The following LLGL2 variants were observed in gnomAD, a reference collection of about 807,000 sequenced individuals.
LLGL2 encodes the protein LLGL2, scribble cell polarity complex component.
In LLGL2, 81 loss-of-function variants were observed where a neutral mutation model predicts 123.2. That is an observed-to-expected ratio of 0.66 (90% confidence interval 0.55 to 0.79). LLGL2 has a LOEUF of 0.79. LLGL2 is among the 30% of genes least tolerant of loss of function. The pLI, the probability that LLGL2 is intolerant of heterozygous loss-of-function variation, is 0.00. For synonymous variants in LLGL2, 577 were observed against 594.1 expected (o/e 0.97, Z 0.42); for missense variants, 1,273 against 1,414.6 (o/e 0.90, Z 1.61).
At position 75,574,976 on chromosome 17, in the gene LLGL2, G is replaced by A. The variant is rs945571668; in HGVS notation, c.*98G>A. 2.3e-5 allele frequency: 35 copies of A among 1,553,884 alleles called. No homozygotes were observed. Among genetic ancestry groups the A allele is most frequent in the African/African-American group, 4.1e-5 (3 of 73,724 alleles). On this transcript the variant is annotated 3_prime_UTR_variant, in exon 26 of 26. Transcript: ENST00000392550. ...CGGAGAGGCCGGTGCACAGGGCCCC[G>A]CCAGGGGCTGGGGGCATCCCGGCTT...
At chr17:75,568,230 C>T in intron 10 of LLGL2, 1 of 1,408,772 alleles carries the variant, frequency 7.1e-7, no homozygotes, top group South Asian at 1.6e-5. Flanking sequence ...TGGGACCCTG[C>T]CTTCCAGCCA....
In LLGL2 at chr17:75,571,031, C is replaced by T. The variant is rs753658973; in HGVS notation, c.2107C>T (p.Arg703Cys). The T allele has an allele frequency of 4.2e-5, 68 of 1,612,942 alleles. No individual in the cohort carries two copies. Among genetic ancestry groups the T allele is most frequent in the Non-Finnish European group, 5.3e-5 (63 of 1,179,968 alleles). The change falls in exon 17 of 26, where the codon CGC (arginine) becomes TGC (cysteine). Residue 703 changes from arginine to cysteine, a missense_variant. Physicochemically the swap from Arg to Cys is radical, Grantham distance 180. Transcript: ENST00000392550. ...GCCTGTGCAGCGCAAGATCGAGGCT[C>T]GCTCGGCAGAGGACTCCTTCACAGG... is the stretch of plus-strand genomic sequence containing the variant. ...LAPVQRKIEA[R>C]SAEDSFTGFV...
intron 1 of LLGL2, among the ~76,000 whole-genome samples, chr17:75,526,282 C>A (rs549675309): frequency 1.2e-4 from 19 of 152,276 alleles, no homozygotes; most frequent in Middle Eastern, 3.4e-3. Flanking sequence ...GCCATCTGGG[C>A]TGTGTCCCTG....
chr17:75,557,255 G>C (rs1162824280), intron 3 of LLGL2, among the ~76,000 whole-genome samples: 1 of 152,074 alleles, frequency 6.6e-6, no homozygotes, highest in African/African-American at 2.4e-5. Flanking sequence ...CACAAGCAGA[G>C]ATGGGGTGGC....
intron 1 of LLGL2, among the ~76,000 whole-genome samples, chr17:75,534,218 G>T (rs906948072): frequency 6.6e-6 from 1 of 152,266 alleles, no homozygotes; most frequent in African/African-American, 2.4e-5. Flanking sequence ...ATGGGGGTGC[G>T]TTCCCACCTT....
chr17:75,543,994 C>T (rs907904933), intron 2 of LLGL2, among the ~76,000 whole-genome samples: 2 of 152,134 alleles, frequency 1.3e-5, no homozygotes, highest in Non-Finnish European at 2.9e-5. Flanking sequence ...ACACGTGATT[C>T]CTTCTGGCTC....
At chr17:75,532,727 C>G (rs2053847900) in intron 1 of LLGL2, among the ~76,000 whole-genome samples, 1 of 152,026 alleles carries the variant, frequency 6.6e-6, no homozygotes, top group South Asian at 2.1e-4. Flanking sequence ...GCCCAGCCCT[C>G]TAGTAAATAA....
chr17:75,563,281 C>T (rs779263343), intron 7 of LLGL2, 50 bp from the exon 8 acceptor site: 6 of 1,603,826 alleles, frequency 3.7e-6, no homozygotes, highest in Non-Finnish European at 5.1e-6. Flanking sequence ...GATGGGAACG[C>T]CGCCTCGGTC....
chr17:75,566,835 C>G (rs2055463766), intron 10 of LLGL2, among the ~76,000 whole-genome samples: 1 of 152,142 alleles, frequency 6.6e-6, no homozygotes, highest in Admixed American at 6.5e-5. Context: ...CTCTGATCTC[C>G]AGACCCATAA....
intron 19 of LLGL2, among the ~76,000 whole-genome samples, chr17:75,572,434 C>T (rs868592853): frequency 4.7e-4 from 71 of 152,098 alleles, no homozygotes; most frequent in African/African-American, 1.5e-3. Flanking sequence ...GAGGCCGAGG[C>T]GGGCAGATCA....
rs146377375 is a variant in LLGL2 at position 75,540,065 on chromosome 17, G to A, written c.-30-3332G>A. 1.0e-2 allele frequency among the ~76,000 whole-genome samples: 1,518 copies of A among 152,284 alleles called. 20 individuals carry two copies. Among genetic ancestry groups the A allele is most frequent in the African/African-American group, 0.031 (1,277 of 41,566 alleles). The stretch of plus-strand genomic sequence containing the variant: ...GGGAGTGCCATCCCCCTTTACAGAG[G>A]AGCTGTCTCTGGAGGCCATGTGGCT... On this transcript the variant is annotated intron_variant, in intron 1 of 25. Coordinates refer to ENST00000392550, the MANE Select transcript of LLGL2 (RefSeq NM_001031803.2).
intron 1 of LLGL2, among the ~76,000 whole-genome samples, chr17:75,527,669 G>A (rs1037954343): frequency 5.3e-5 from 8 of 150,876 alleles, no homozygotes; most frequent in Admixed American, 2.0e-4. Context: ...CTCACCATAT[G>A]TTGCCCAGGC....
rs146325197 is a variant in LLGL2 at position 75,567,060 on chromosome 17, G to A, written c.1037-1416G>A. 6.8e-3 allele frequency among the ~76,000 whole-genome samples: 1,035 copies of A among 152,278 alleles called. 16 individuals carry two copies. The highest frequency in any genetic ancestry group is 0.023 in the African/African-American group (959 of 41,554). The stretch of plus-strand genomic sequence containing the variant: ...GAGAAGCCATGGGACAGCTGAGCCC[G>A]GGCACCCTCAAGCCTTGGAGGCATG... On this transcript the variant is annotated intron_variant, in intron 10 of 25. Coordinates refer to ENST00000392550, the MANE Select transcript of LLGL2 (RefSeq NM_001031803.2).
chr17:75,526,247 C>G (rs2053565098), intron 1 of LLGL2, among the ~76,000 whole-genome samples: 1 of 152,120 alleles, frequency 6.6e-6, no homozygotes, highest in Non-Finnish European at 1.5e-5. Context: ...GAGCGCGGTG[C>G]CCCGGCGGCT....
intron 2 of LLGL2, among the ~76,000 whole-genome samples, chr17:75,555,460 C>A (rs1009158851): frequency 6.6e-6 from 1 of 151,984 alleles, no homozygotes; most frequent in South Asian, 2.1e-4. Flanking sequence ...GAAAAAAACA[C>A]GTATGTGCAA....
Position 75,564,288 on chromosome 17 carries a change from C to A in LLGL2, c.882-65C>A. The A allele has an allele frequency of 6.5e-7, 1 of 1,545,926 alleles. No individual in the cohort carries two copies. The highest frequency in any genetic ancestry group is 1.2e-5 in the South Asian group (1 of 81,904). ...TTGACTGAGTGGTGACTTTGATTGCCGGCCTGTGGCTGTTGAGGCTGTGCC... is the reference window on the plus strand; with the variant it reads ...TTGACTGAGTGGTGACTTTGATTGCAGGCCTGTGGCTGTTGAGGCTGTGCC... On this transcript the variant is annotated intron_variant, in intron 9 of 25. Transcript: ENST00000392550. This position sits in a 1 kb window ranked among gnomAD's most constrained non-coding sequence, Gnocchi z 4.9.
rs151168645 is a variant in LLGL2 at position 75,558,633 on chromosome 17, G to C, written c.371+6G>C. The C allele has an allele frequency of 3.5e-4, 548 of 1,587,250 alleles. No homozygotes were observed. The highest frequency in any genetic ancestry group is 4.5e-4 in the Non-Finnish European group (528 of 1,165,886). On this transcript the variant is annotated splice_donor_region_variant and intron_variant, in intron 5 of 25. Coordinates refer to ENST00000392550, the MANE Select transcript of LLGL2 (RefSeq NM_001031803.2). This position sits in a 1 kb window ranked among gnomAD's most constrained non-coding sequence, Gnocchi z 4.0. The stretch of plus-strand genomic sequence containing the variant: ...ACACTGCGTGGACCCCCAGGGTAAG[G>C]GCTCAATCCCCAGCCCCTTCCACTC...
intron 19 of LLGL2, among the ~76,000 whole-genome samples, chr17:75,572,436 G>A (rs2055760131): frequency 6.6e-6 from 1 of 152,170 alleles, no homozygotes; most frequent in African/African-American, 2.4e-5. Context: ...GGCCGAGGCG[G>A]GCAGATCACA....
Position 75,558,774 on chromosome 17 carries a change from T to G in LLGL2, c.371+147T>G, listed in dbSNP as rs1346698450. On this transcript the variant is annotated intron_variant, in intron 5 of 25. Transcript: ENST00000392550. The surrounding 1 kb of genome is among the most constrained non-coding windows in gnomAD (Gnocchi z 4.0). ...GGCCCGATGCATCGCCACACTCAGG[T>G]GCTCCGAGTGGAGTGGGCGGGGCTG... 4.4e-6 allele frequency: 3 copies of G among 681,760 alleles called. No homozygotes were observed. Among genetic ancestry groups the G allele is most frequent in the Non-Finnish European group, 7.7e-6 (3 of 391,462 alleles). The allele number at this position is 681,760 out of a possible 1,614,324, so 42.2% of individuals were successfully genotyped here.
Sources: gnomAD v4.1 joint callset for allele counts (sites outside exome capture counted in the v4.1 genomes callset) on GRCh38, gnomAD v4.1.1 for gene constraint, Gnocchi (gnomAD v3.1) non-coding constraint, MANE v1.5 for transcripts, NCBI Gene and HGNC (gene_info 2026-07-23, HGNC 2026-07-21) for gene names.